Variants in PRTG observed in about 807,000 individuals in gnomAD.
The protein encoded by PRTG is immunoglobulin superfamily, DCC subclass, member 5.
In PRTG, 67 loss-of-function variants were observed where a neutral mutation model predicts 122.5. The observed-to-expected ratio is 0.55, with a 90% CI of 0.45 to 0.67. PRTG has a LOEUF of 0.67. Among genes scored for constraint, PRTG ranks in the 30% least tolerant of loss-of-function variants. PRTG has a pLI of 0.00. For missense variants in PRTG, 1,435 were observed against 1,415.4 expected (o/e 1.01, Z -0.22); for synonymous variants, 554 against 501.1 (o/e 1.11, Z -1.41).
rs2059122820 is a variant in PRTG, at chr15:55,612,092, A to G, written c.*7920T>C. The stretch of plus-strand genomic sequence containing the variant: ...CAACAAGCAGACACATTTTCTTAAC[A>G]TATGTCCTCTACTCTACTGATAGGC... On this transcript the variant is annotated 3_prime_UTR_variant, in exon 20 of 20. Transcript: ENST00000389286. The G allele has an allele frequency of 6.6e-6, 1 of 152,074 alleles. No individual in the cohort carries two copies. The highest frequency in any genetic ancestry group is 1.5e-5 in the Non-Finnish European group (1 of 67,932). The allele number at this position is 152,074 out of a possible 1,614,324, so 9.4% of individuals were successfully genotyped here.
At chr15:55,622,135 C>T (rs1480528961) in intron 18 of PRTG, among the ~76,000 whole-genome samples, 1 of 152,012 alleles carries the variant, frequency 6.6e-6, no homozygotes, top group East Asian at 1.9e-4. Flanking sequence ...CATCATCCTC[C>T]CCACTCTGCT....
intron 11 of PRTG, among the ~76,000 whole-genome samples, chr15:55,652,889 A>C (rs1010559130): frequency 6.6e-6 from 1 of 152,104 alleles, no homozygotes; most frequent in African/African-American, 2.4e-5. Context: ...TTGTGTTAGA[A>C]TGGAAAACGT....
At chr15:55,717,991 C>T (rs2030662747) in intron 2 of PRTG, among the ~76,000 whole-genome samples, 2 of 152,178 alleles carry the variant, frequency 1.3e-5, no homozygotes, top group African/African-American at 2.4e-5. Context: ...CTCTTTGCTC[C>T]GTGAGAAAGA....
Position 55,742,887 on chromosome 15 carries a change from C to G in PRTG, c.45G>C (p.Gly15=). Residue 15 remains glycine (G), a synonymous_variant, in exon 1 of 20, where the codon GGG becomes GGC. Transcript: ENST00000389286. ...LRPLARLRPP[G]MLLRALLLLL... is the part of the protein sequence containing the mutation. Reference sequence around the variant, plus strand: ...GGAGCAGGAGCGCGCGGAGCAGCATCCCCGGCGGTCGCAGCCGGGCGAGGG... The same window carrying G: ...GGAGCAGGAGCGCGCGGAGCAGCATGCCCGGCGGTCGCAGCCGGGCGAGGG... 6.5e-7 allele frequency: 1 copy of G among 1,531,686 alleles called. No homozygotes were observed. The highest frequency in any genetic ancestry group is 8.8e-7 in the Non-Finnish European group (1 of 1,138,494). 94.9% of individuals were successfully genotyped at this position (1,531,686 alleles called of 1,614,324 possible).
chr15:55,676,919 A>G (rs138471358), intron 8 of PRTG, among the ~76,000 whole-genome samples: 79 of 152,360 alleles, frequency 5.2e-4, no homozygotes, highest in African/African-American at 1.8e-3. Context: ...ACTTCAAAGT[A>G]CAAAAAACAA....
chr15:55,626,448 T>C (rs1396684699), intron 17 of PRTG, among the ~76,000 whole-genome samples: 1 of 148,170 alleles, frequency 6.7e-6, no homozygotes, highest in East Asian at 2.0e-4. Context: ...TTTAAGAATA[T>C]TGGCATTAGC....
chr15:55,669,048 T>C (rs532021383), intron 11 of PRTG, among the ~76,000 whole-genome samples: 7 of 152,296 alleles, frequency 4.6e-5, no homozygotes, highest in Admixed American at 2.6e-4. Flanking sequence ...GTTAAATGAA[T>C]TGAAATACAT....
intron 11 of PRTG, among the ~76,000 whole-genome samples, chr15:55,670,090 A>G (rs557815639): frequency 9.9e-4 from 151 of 152,304 alleles, no homozygotes; most frequent in African/African-American, 3.5e-3. Context: ...AAAAAGTTCA[A>G]CAAAGATCAA....
intron 2 of PRTG, among the ~76,000 whole-genome samples, chr15:55,727,792 A>C (rs1360336363): frequency 6.6e-6 from 1 of 152,140 alleles, no homozygotes; most frequent in Non-Finnish European, 1.5e-5. Flanking sequence ...CGAGACTCCA[A>C]CTCAAAAGAA....
At chr15:55,692,221 A>AGTT (rs1486798232) in intron 2 of PRTG, among the ~76,000 whole-genome samples, 1 of 152,106 alleles carries the variant, frequency 6.6e-6, no homozygotes, top group Admixed American at 6.5e-5. Flanking sequence ...GCCCACAAAC[A>AGTT]TGTTGACCAT....
chr15:55,732,309 C>T (rs1424238294), intron 2 of PRTG, among the ~76,000 whole-genome samples: 3 of 152,014 alleles, frequency 2.0e-5, no homozygotes, highest in Non-Finnish European at 2.9e-5. Context: ...CTCAGCCTCC[C>T]GAGTAGCTGG....
At chr15:55,734,130 A>G (rs1407381942) in intron 2 of PRTG, among the ~76,000 whole-genome samples, 1 of 152,190 alleles carries the variant, frequency 6.6e-6, no homozygotes, top group African/African-American at 2.4e-5. Flanking sequence ...GACGCACAGG[A>G]CAGCACCACA....
chr15:55,709,179 T>TAAAAAAA (rs2030276699), intron 2 of PRTG, among the ~76,000 whole-genome samples: 1 of 134,066 alleles, frequency 7.5e-6, no homozygotes, highest in African/African-American at 2.8e-5. Flanking sequence ...AAAAAAGAAT[T>TAAAAAAA]ACAGACGTTT....
chr15:55,681,025 T>G (rs1259167818), intron 4 of PRTG, among the ~76,000 whole-genome samples: 1 of 152,172 alleles, frequency 6.6e-6, no homozygotes, highest in Non-Finnish European at 1.5e-5. Context: ...TGGCTTCTTT[T>G]CAGTTAGCAT....
At chr15:55,646,327 CTTT>C (rs368603650) in intron 11 of PRTG, among the ~76,000 whole-genome samples, 42 of 127,700 alleles carry the variant, frequency 3.3e-4, no homozygotes, top group African/African-American at 1.3e-3. Context: ...CCTCAATTCT[CTTT>C]TTTTTTTTTT....
At position 55,699,370 on chromosome 15, in the gene PRTG, C is replaced by A. The variant is rs962402700; in HGVS notation, c.398-15439G>T. 3.7e-4 allele frequency among the ~76,000 whole-genome samples: 56 copies of A among 152,086 alleles called. 1 individual carries two copies. Among genetic ancestry groups the A allele is most frequent in the African/African-American group, 1.3e-3 (55 of 41,410 alleles). On this transcript the variant is annotated intron_variant, in intron 2 of 19. Coordinates refer to ENST00000389286, the MANE Select transcript of PRTG (RefSeq NM_173814.6). ...AGTTTCATGAAGTTAGTATCTGTCT[C>A]CTAAAGCCCAAGAGTAAGAAATTAG... is the stretch of plus-strand genomic sequence containing the variant.
At chr15:55,706,893 C>G (rs920807550) in intron 2 of PRTG, among the ~76,000 whole-genome samples, 2 of 152,170 alleles carry the variant, frequency 1.3e-5, no homozygotes, top group Non-Finnish European at 2.9e-5. Flanking sequence ...TAATGCTTTG[C>G]TACTCTAAGT....
At chr15:55,708,571 G>A (rs2030244140) in intron 2 of PRTG, among the ~76,000 whole-genome samples, 2 of 152,118 alleles carry the variant, frequency 1.3e-5, no homozygotes, top group African/African-American at 2.4e-5. Flanking sequence ...TCACACCACT[G>A]CACTCTAGCC....
chr15:55,666,237 A>G (rs1445219498), intron 11 of PRTG, among the ~76,000 whole-genome samples: 1 of 152,222 alleles, frequency 6.6e-6, no homozygotes, highest in African/African-American at 2.4e-5. Flanking sequence ...CACATGGTAG[A>G]GAGCATGCTC....
Sources: allele counts gnomAD v4.1 joint callset (sites outside exome capture counted in the v4.1 genomes callset), GRCh38; gene constraint gnomAD v4.1.1; transcripts MANE v1.5; gene names NCBI Gene and HGNC (gene_info 2026-07-23, HGNC 2026-07-21).